The following DNAH7 variants were observed in gnomAD, a reference collection of about 807,000 sequenced individuals.
DNAH7 encodes axonemal beta dynein heavy chain 7.
DNAH7 carries 397 observed loss-of-function variants against 444.6 expected under a neutral mutation model. The ratio of observed to expected loss-of-function variants is 0.89; its 90% confidence interval spans 0.82 to 0.97. DNAH7 has a LOEUF of 0.97. Ranked by LOEUF, DNAH7 falls within the 50% of genes least tolerant of loss-of-function variation. The pLI, the probability that DNAH7 is intolerant of heterozygous loss-of-function variation, is 0.00. For missense variants in DNAH7, 4,902 were observed against 4,800.8 expected (o/e 1.02, Z -0.62); for synonymous variants, 1,636 against 1,624.4 (o/e 1.01, Z -0.17).
At position 195,873,609 on chromosome 2, in the gene DNAH7, A is replaced by C; in HGVS notation, c.6372T>G (p.Tyr2124Ter). ...TINEFSDKSM[Y>*]TIFSRILTWH... The stretch of plus-strand genomic sequence containing the variant: ...AAGTTAAGATTCTAGAGAAGATTGT[A>C]TACATGGATTTATCACTAAACTCAT... Residue 2124 changes from tyrosine to a stop codon, truncating the protein, a stop_gained, in exon 39 of 65, where the codon TAT becomes TAG. Coordinates refer to ENST00000312428, the MANE Select transcript of DNAH7 (RefSeq NM_018897.3). LOFTEE classifies it high-confidence loss of function. 1.3e-6 allele frequency: 2 copies of C among 1,495,064 alleles called. No individual in the cohort carries two copies. Among genetic ancestry groups the C allele is most frequent in the Non-Finnish European group, 1.8e-6 (2 of 1,116,928 alleles). The allele number at this position is 1,495,064 out of a possible 1,614,324, so 92.6% of individuals were successfully genotyped here.
intron 19 of DNAH7, among the ~76,000 whole-genome samples, chr2:195,952,265 C>CT (rs1171825301): frequency 2.0e-5 from 3 of 152,168 alleles, no homozygotes; most frequent in Non-Finnish European, 4.4e-5. Flanking sequence ...GGCCCCTACT[C>CT]TTTTCTGGCT....
At chr2:195,984,817 A>G in intron 14 of DNAH7, 107 bp from the exon 15 acceptor site, 2 of 1,043,252 alleles carry the variant, frequency 1.9e-6, no homozygotes, top group South Asian at 1.5e-5. Context: ...AATAAAAACT[A>G]TAACTTAGCT....
intron 17 of DNAH7, among the ~76,000 whole-genome samples, chr2:195,964,663 G>A (rs1482135407): frequency 1.1e-4 from 16 of 145,224 alleles, no homozygotes; most frequent in East Asian, 4.1e-4. Context: ...TCAGGAGTTC[G>A]AGACCAGCCT....
rs569818564 is a variant in DNAH7 at position 195,850,726 on chromosome 2, T to C, written c.8781+2617A>G. Among the ~76,000 whole-genome samples the C allele has an allele frequency of 3.9e-5, 6 of 152,264 alleles. No homozygotes were observed. In the East Asian group the frequency reaches 7.7e-4, roughly 20 times the overall value. On this transcript the variant is annotated intron_variant, in intron 46 of 64. Transcript: ENST00000312428. ...ACCAAATGTTGTAAGGTCTCTTAGT[T>C]TGGGTTCCCTGAAGCAGACTGTGGG...
intron 49 of DNAH7, among the ~76,000 whole-genome samples, chr2:195,819,819 C>A (rs1697374881): frequency 6.6e-6 from 1 of 152,126 alleles, no homozygotes; most frequent in Non-Finnish European, 1.5e-5. Context: ...AAAGTTTCAA[C>A]CTTGGATGCT....
At chr2:195,985,659 G>T (rs1225542171) in intron 14 of DNAH7, among the ~76,000 whole-genome samples, 3 of 152,086 alleles carry the variant, frequency 2.0e-5, no homozygotes, top group African/African-American at 7.2e-5. Flanking sequence ...CTGGTGAGAG[G>T]CAAGAGGCAT....
intron 31 of DNAH7, among the ~76,000 whole-genome samples, chr2:195,891,281 G>C (rs1701998624): frequency 6.6e-6 from 1 of 152,246 alleles, no homozygotes; most frequent in African/African-American, 2.4e-5. Flanking sequence ...TAGCAGGCAT[G>C]ACAATAGCAG....
intron 5 of DNAH7, among the ~76,000 whole-genome samples, chr2:196,040,094 A>C (rs1348147363): frequency 1.3e-5 from 2 of 152,252 alleles, no homozygotes; most frequent in Non-Finnish European, 2.9e-5. Flanking sequence ...AGTCTCCCCA[A>C]AAAGAAAAGC....
At chr2:195,912,499 G>A (rs1347933816) in intron 24 of DNAH7, among the ~76,000 whole-genome samples, 1 of 152,160 alleles carries the variant, frequency 6.6e-6, no homozygotes, top group Non-Finnish European at 1.5e-5. Context: ...TATGCAGAAG[G>A]CCCATCTGAA....
intron 42 of DNAH7, 41 bp downstream of exon 42, chr2:195,861,672 TTTAA>T: frequency 7.1e-7 from 1 of 1,406,902 alleles, no homozygotes. Flanking sequence ...CACAAGTATT[TTTAA>T]TTGCCATAGC....
Position 195,857,415 on chromosome 2 carries a change from A to G in DNAH7, c.8376T>C (p.Gly2792=). 6.2e-7 allele frequency: 1 copy of G among 1,606,666 alleles called. No homozygotes were observed. The highest frequency in any genetic ancestry group is 1.1e-5 in the South Asian group (1 of 89,244). The change falls in exon 44 of 65, where the codon GGT becomes GGC. Residue 2792 remains glycine, a synonymous_variant. Coordinates refer to ENST00000312428, the MANE Select transcript of DNAH7 (RefSeq NM_018897.3). ...CCATTGCTATGACCCATTTGCACAGACCTTCGGCCGCTGTAGAAGCATTTC... is the reference window on the plus strand; with the variant it reads ...CCATTGCTATGACCCATTTGCACAGGCCTTCGGCCGCTGTAGAAGCATTTC... ...KIRNASTAAE[G]LCKWVIAMDS...
chr2:195,915,307 T>C (rs545069460), intron 24 of DNAH7, among the ~76,000 whole-genome samples: 4 of 152,148 alleles, frequency 2.6e-5, no homozygotes, highest in Non-Finnish European at 5.9e-5. Context: ...AGGAGTTAGT[T>C]GTATTTATTG....
At chr2:195,888,491 T>C (rs1701834149) in intron 32 of DNAH7, 57 bp from the exon 33 acceptor site, 6 of 1,495,490 alleles carry the variant, frequency 4.0e-6, no homozygotes, top group Non-Finnish European at 5.4e-6. Flanking sequence ...ATAAATATGA[T>C]TTGGCACCTC....
At position 195,838,783 on chromosome 2, in the gene DNAH7, C is replaced by T. The variant is rs181170339; in HGVS notation, c.8946-4423G>A. On this transcript the variant is annotated intron_variant, in intron 47 of 64. Transcript: ENST00000312428. ...AAACACTAAACAAAATAAAGCTGTA[C>T]TGGCGATAGTATATTAGAAAAAATA... Among the ~76,000 whole-genome samples, 255 of 151,930 alleles carry T rather than the reference C, an allele frequency of 1.7e-3. 1 individual carries two copies. Among genetic ancestry groups the T allele is most frequent in the Non-Finnish European group, 9.7e-4 (66 of 67,834 alleles).
Position 196,043,014 on chromosome 2 carries a change from T to G in DNAH7, c.398+4338A>C, listed in dbSNP as rs532647611. On this transcript the variant is annotated intron_variant, in intron 5 of 64. Transcript: ENST00000312428. Reference sequence around the variant, plus strand: ...TGAAATTTTAGAAAAGGTAAAAGTATAGAGATAGAAAGAAGACTAGCGATT... The same window carrying G: ...TGAAATTTTAGAAAAGGTAAAAGTAGAGAGATAGAAAGAAGACTAGCGATT... Among the ~76,000 whole-genome samples, 3 of 151,940 alleles carry G rather than the reference T, an allele frequency of 2.0e-5. No homozygotes were observed. In the East Asian group the frequency reaches 5.8e-4, roughly 29 times the overall value.
intron 61 of DNAH7, among the ~76,000 whole-genome samples, chr2:195,756,829 A>C (rs1408693359): frequency 6.8e-6 from 1 of 146,698 alleles, no homozygotes; most frequent in Non-Finnish European, 1.5e-5. Flanking sequence ...TCACCTCCAC[A>C]ACAAATACAA....
In DNAH7 at chr2:195,861,797, A is replaced by C. The variant is rs777423204; in HGVS notation, c.7656T>G (p.Leu2552=). 5 of 1,613,086 alleles carry C rather than the reference A, an allele frequency of 3.1e-6. No homozygotes were observed. Among genetic ancestry groups the C allele is most frequent in the Non-Finnish European group, 4.2e-6 (5 of 1,179,256 alleles). ...IDLSKSFFVE[L]QRYNYVTPTS... ...TAGGAGTCACATAATTGTATCTTTGAAGTTCAACAAAGAAAGATTTGGATA... is the reference window on the plus strand; with the variant it reads ...TAGGAGTCACATAATTGTATCTTTGCAGTTCAACAAAGAAAGATTTGGATA... Residue 2552 remains leucine, a synonymous_variant, in exon 42 of 65, where the codon CTT becomes CTG. Coordinates refer to ENST00000312428, the MANE Select transcript of DNAH7 (RefSeq NM_018897.3).
At chr2:195,783,506 T>C (rs1229782967) in intron 58 of DNAH7, among the ~76,000 whole-genome samples, 1 of 152,188 alleles carries the variant, frequency 6.6e-6, no homozygotes, top group Non-Finnish European at 1.5e-5. Context: ...TGTCTTCACA[T>C]GGCTGTCTTC....
At chr2:195,857,090 A>T in intron 44 of DNAH7, among the ~76,000 whole-genome samples, 1 of 152,100 alleles carries the variant, frequency 6.6e-6, no homozygotes, top group East Asian at 1.9e-4. Flanking sequence ...CATTTTTAAA[A>T]TTTTTCCATT....
Sources: gnomAD v4.1 joint callset for allele counts (sites outside exome capture counted in the v4.1 genomes callset) on GRCh38, gnomAD v4.1.1 for gene constraint, MANE v1.5 for transcripts, NCBI Gene and HGNC (gene_info 2026-07-23, HGNC 2026-07-21) for gene names.